Variants in GRN observed in about 807,000 individuals in gnomAD.
GRN encodes granulin precursor, also known as progranulin.
GRN carries 30 observed loss-of-function variants against 66.7 expected under a neutral mutation model. That is an observed-to-expected ratio of 0.45 (90% CI 0.34 to 0.61). The LOEUF (loss-of-function observed/expected upper bound fraction) is 0.61. Among genes scored for constraint, GRN ranks in the 20% least tolerant of loss-of-function variants. The probability of loss-of-function intolerance (pLI) is 0.01; values close to 1 mark genes in which losing one functional copy is unlikely to be tolerated. For missense variants in GRN, 731 were observed against 803.5 expected (o/e 0.91, Z 1.09); for synonymous variants, 327 against 311.1 (o/e 1.05, Z -0.54).
At chr17:44,351,890 C>T in intron 10 of GRN, 95 bp downstream of exon 10, 4 of 1,506,824 alleles carry the variant, frequency 2.7e-6, no homozygotes, top group Non-Finnish European at 3.7e-6. Flanking sequence ...TGATACCCAG[C>T]TCTGACAGAT....
intron 1 of GRN, among the ~76,000 whole-genome samples, chr17:44,348,041 G>A (rs1306480333): frequency 6.6e-6 from 1 of 151,876 alleles, no homozygotes; most frequent in Non-Finnish European, 1.5e-5. Flanking sequence ...TCTGAGTCCA[G>A]CCTGGGCAAC....
rs2048375678 is a variant in GRN, at chr17:44,351,665, C to T, written c.1049C>T (p.Ala350Val). Residue 350 changes from alanine to valine, a missense_variant, in exon 10 of 13, where the codon GCT (alanine) becomes GTT (valine). Ala to Val is a moderately conservative substitution (Grantham distance 64). This residue lies in a region of GRN where 319 missense variants were observed against 347.2 expected (regional missense o/e 0.92). Coordinates refer to ENST00000053867, the MANE Select transcript of GRN (RefSeq NM_002087.4). ...GTGCCCTGGATGGAGAAGGCCCCAG[C>T]TCACCTCAGCCTGCCAGACCCACAA... is the stretch of plus-strand genomic sequence containing the variant. ...HQVPWMEKAP[A>V]HLSLPDPQAL... The T allele has an allele frequency of 6.2e-7, 1 of 1,613,964 alleles. No homozygotes were observed. The highest frequency in any genetic ancestry group is 1.7e-5 in the Admixed American group (1 of 60,012).
In GRN at chr17:44,350,571, A is replaced by G; in HGVS notation, c.592A>G (p.Arg198Gly). Reference protein sequence around the residue: ...AKKLPAQRTNRAVALSSSVMC... With the variant: ...AKKLPAQRTNGAVALSSSVMC... ...GAAGCTCCCTGCCCAGAGGACTAAC[A>G]GGGCAGGTGAGGAGGTGGGAGAGCA... is the stretch of plus-strand genomic sequence containing the variant. Residue 198 changes from arginine (R) to glycine (G), a missense_variant, in exon 6 of 13, where the codon AGG (arginine) becomes GGG (glycine). Arg to Gly is a moderately radical substitution (Grantham distance 125). Coordinates refer to ENST00000053867, the MANE Select transcript of GRN (RefSeq NM_002087.4). 6.2e-7 allele frequency: 1 copy of G among 1,613,822 alleles called. No homozygotes were observed. Among genetic ancestry groups the G allele is most frequent in the South Asian group, 1.1e-5 (1 of 91,082 alleles).
chr17:44,348,497 GCTT>G (rs2143321314), intron 1 of GRN, among the ~76,000 whole-genome samples: 1 of 152,354 alleles, frequency 6.6e-6, no homozygotes, highest in East Asian at 1.9e-4. Flanking sequence ...GGCTGACCCA[GCTT>G]CTGTGTCCTT....
Position 44,351,724 on chromosome 17 carries a change from A to T in GRN, c.1108A>T (p.Ser370Cys), listed in dbSNP as rs1321913582. The change falls in exon 10 of 13, where the codon AGC becomes TGC. Residue 370 changes from serine (S) to cysteine (C), a missense_variant. Physicochemically the swap from Ser to Cys is moderately radical, Grantham distance 112. Transcript: ENST00000053867. Reference sequence around the variant, plus strand: ...GAGAGATGTCCCCTGTGATAATGTCAGCAGCTGTCCCTCCTCCGATACCTG... The same window carrying T: ...GAGAGATGTCCCCTGTGATAATGTCTGCAGCTGTCCCTCCTCCGATACCTG... ...LKRDVPCDNV[S>C]SCPSSDTCCQ... 16 of 1,613,682 alleles carry T rather than the reference A, an allele frequency of 9.9e-6. No homozygotes were observed. The highest frequency in any genetic ancestry group is 1.2e-5 in the Non-Finnish European group (14 of 1,179,944).
chr17:44,351,503 A>G, intron 9 of GRN, 43 bp downstream of exon 9: 5 of 1,613,348 alleles, frequency 3.1e-6, no homozygotes, highest in Non-Finnish European at 3.4e-6. Context: ...ACAGTGTGGC[A>G]GGCAGCCGGG....
At chr17:44,348,545 T>C (rs2048342205) in intron 1 of GRN, among the ~76,000 whole-genome samples, 1 of 152,228 alleles carries the variant, frequency 6.6e-6, no homozygotes, top group Non-Finnish European at 1.5e-5. Context: ...CATGGGCAGA[T>C]GGTGACCTCT....
chr17:44,349,263 C>G lies in GRN; in HGVS notation c.99C>G (p.Asp33Glu). ...TCTGCCCTGTGGCCTGCTGCCTGGA[C>G]CCCGGAGGAGCCAGCTACAGCTGCT... ...GQFCPVACCLDPGGASYSCCR... is the reference protein window; with the variant it reads ...GQFCPVACCLEPGGASYSCCR... The change falls in exon 2 of 13, where the codon GAC becomes GAG. Residue 33 changes from aspartate to glutamate, a missense_variant. By Grantham distance (45) the Asp-to-Glu change is conservative (BLOSUM62 2). Coordinates refer to ENST00000053867, the MANE Select transcript of GRN (RefSeq NM_002087.4). 1 of 1,613,968 alleles carries G rather than the reference C, an allele frequency of 6.2e-7. No homozygotes were observed. Among genetic ancestry groups the G allele is most frequent in the Non-Finnish European group, 8.5e-7 (1 of 1,180,016 alleles).
Position 44,350,234 on chromosome 17 carries a change from A to T in GRN, c.356A>T (p.Asn119Ile), listed in dbSNP as rs2048358607. Residue 119 changes from asparagine to isoleucine, a missense_variant, in exon 5 of 13, where the codon AAC (asparagine) becomes ATC (isoleucine). This residue lies in a region of GRN where 370 missense variants were observed against 379.8 expected (regional missense o/e 0.97). Transcript: ENST00000053867. Reference sequence around the variant, plus strand: ...TGGGTCATCTTGTCCACAGGTAACAACTCCGTGGGTGCCATCCAGTGCCCT... The same window carrying T: ...TGGGTCATCTTGTCCACAGGTAACATCTCCGTGGGTGCCATCCAGTGCCCT... The part of the protein sequence containing the change: ...GRSCFQRSGN[N>I]SVGAIQCPDS... The T allele has an allele frequency of 6.2e-7, 1 of 1,610,138 alleles. No individual in the cohort carries two copies. The highest frequency in any genetic ancestry group is 1.1e-5 in the South Asian group (1 of 90,978).
rs747787126 is a variant in GRN, at chr17:44,349,762, G to T, written c.349+11G>T. The T allele has an allele frequency of 6.3e-7, 1 of 1,576,724 alleles. No homozygotes were observed. The highest frequency in any genetic ancestry group is 2.2e-5 in the East Asian group (1 of 44,712). ...GCTTCCAAAGATCAGGTGCAGCTGG[G>T]GTGTGGGTGCAGGGCAGGCAGACGG... On this transcript the variant is annotated intron_variant, in intron 4 of 12. Coordinates refer to ENST00000053867, the MANE Select transcript of GRN (RefSeq NM_002087.4).
rs1598365773 is a variant in GRN, at chr17:44,352,212, C to T, written c.1377C>T (p.Ser459=). 1 of 1,613,004 alleles carries T rather than the reference C, an allele frequency of 6.2e-7. No individual in the cohort carries two copies. The highest frequency in any genetic ancestry group is 2.2e-5 in the East Asian group (1 of 44,888). The change falls in exon 11 of 13, where the codon AGC becomes AGT. Residue 459 remains serine, a synonymous_variant. Transcript: ENST00000053867. ...CGGTGGGGCAGACCTGCTGCCCGAG[C>T]CTGGGTGGGAGCTGGGCCTGCTGCC... ...SCPVGQTCCP[S]LGGSWACCQL... is the part of the protein sequence containing the mutation.
chr17:44,349,682 G>C lies in GRN; in HGVS notation c.280G>C (p.Asp94His). The change falls in exon 4 of 13, where the codon GAT (aspartate) becomes CAT (histidine). Residue 94 changes from aspartate to histidine, a missense_variant. Asp to His is a moderately conservative substitution (Grantham distance 81, BLOSUM62 -1). Transcript: ENST00000053867. ...CPFPEAVACG[D>H]GHHCCPRGFH... Reference sequence around the variant, plus strand: ...TGTTCCACAGGCCGTGGCATGCGGGGATGGCCATCACTGCTGCCCACGGGG... The same window carrying C: ...TGTTCCACAGGCCGTGGCATGCGGGCATGGCCATCACTGCTGCCCACGGGG... 1.9e-6 allele frequency: 3 copies of C among 1,612,618 alleles called. No individual in the cohort carries two copies. The highest frequency in any genetic ancestry group is 2.5e-6 in the Non-Finnish European group (3 of 1,178,688).
intron 4 of GRN, 91 bp downstream of exon 4, chr17:44,349,842 C>T: frequency 1.2e-6 from 1 of 847,752 alleles, no homozygotes; most frequent in Non-Finnish European, 2.0e-6. Context: ...AGCCCTGATT[C>T]CTGCCCTTGT....
At position 44,352,062 on chromosome 17, in the gene GRN, G is replaced by A. The variant is rs140298583; in HGVS notation, c.1227G>A (p.Thr409=). The A allele has an allele frequency of 6.5e-4, 1,041 of 1,612,940 alleles. 9 individuals carry two copies. The African/African-American group carries it at 0.011, about 18-fold the overall frequency. Residue 409 remains threonine, a synonymous_variant, in exon 11 of 13, where the codon ACG becomes ACA. Coordinates refer to ENST00000053867, the MANE Select transcript of GRN (RefSeq NM_002087.4). ...AGCACTGCTGCCCCCAGGGCTACAC[G>A]TGTGTAGCTGAGGGGCAGTGTCAGC... is the stretch of plus-strand genomic sequence containing the variant. ...DHQHCCPQGY[T]CVAEGQCQRG... is the part of the protein sequence containing the mutation.
At position 44,350,209 on chromosome 17, in the gene GRN, T is replaced by C; in HGVS notation, c.350-19T>C. On this transcript the variant is annotated intron_variant, in intron 4 of 12. Coordinates refer to ENST00000053867, the MANE Select transcript of GRN (RefSeq NM_002087.4). ...TTCCCTGAGTGGGCTGGTAGTATCC[T>C]GGGTCATCTTGTCCACAGGTAACAA... 5.1e-6 allele frequency: 8 copies of C among 1,560,466 alleles called. No homozygotes were observed. Among genetic ancestry groups the C allele is most frequent in the Non-Finnish European group, 6.2e-6 (7 of 1,131,384 alleles).
intron 1 of GRN, among the ~76,000 whole-genome samples, chr17:44,347,943 AAGG>A (rs1304907858): frequency 3.5e-5 from 5 of 140,868 alleles, no homozygotes; most frequent in African/African-American, 7.6e-5. Context: ...AAAAAAAAAA[AAGG>A]GGGTGAGCAG....
rs762647010 is a variant in GRN, at chr17:44,349,179, G to C, written c.15G>C (p.Val5=). The change falls in exon 2 of 13, where the codon GTG becomes GTC. Residue 5 remains valine, a synonymous_variant. Transcript: ENST00000053867. ...GCAGGCAGACCATGTGGACCCTGGTGAGCTGGGTGGCCTTAACAGCAGGGC... is the reference window on the plus strand; with the variant it reads ...GCAGGCAGACCATGTGGACCCTGGTCAGCTGGGTGGCCTTAACAGCAGGGC... MWTL[V]SWVALTAGLV... 2 of 1,614,116 alleles carry C rather than the reference G, an allele frequency of 1.2e-6. No homozygotes were observed. Among genetic ancestry groups the C allele is most frequent in the South Asian group, 2.2e-5 (2 of 91,078 alleles).
chr17:44,351,197 G>A, intron 8 of GRN, 34 bp downstream of exon 8: 1 of 1,613,502 alleles, frequency 6.2e-7, no homozygotes, highest in African/African-American at 1.3e-5. Context: ...CAGGGGTGGG[G>A]CCCCCTTTCC....
In GRN at chr17:44,350,211, G is replaced by A. The variant is rs1378135113; in HGVS notation, c.350-17G>A. 2.6e-6 allele frequency: 4 copies of A among 1,559,214 alleles called. No homozygotes were observed. Among genetic ancestry groups the A allele is most frequent in the East Asian group, 4.5e-5 (2 of 44,592 alleles). On this transcript the variant is annotated splice_polypyrimidine_tract_variant and intron_variant, in intron 4 of 12. Coordinates refer to ENST00000053867, the MANE Select transcript of GRN (RefSeq NM_002087.4). ...CCCTGAGTGGGCTGGTAGTATCCTGGGTCATCTTGTCCACAGGTAACAACT... is the reference window on the plus strand; with the variant it reads ...CCCTGAGTGGGCTGGTAGTATCCTGAGTCATCTTGTCCACAGGTAACAACT...
Sources: allele counts gnomAD v4.1 joint callset (sites outside exome capture counted in the v4.1 genomes callset), GRCh38; gene constraint gnomAD v4.1.1; regional missense constraint gnomAD v4.1.1; transcripts MANE v1.5; gene names NCBI Gene and HGNC (gene_info 2026-07-23, HGNC 2026-07-21).